The following URB1 variants were observed in gnomAD, a reference collection of about 807,000 sequenced individuals.
URB1 encodes the protein nucleolar pre-ribosomal-associated protein 1.
Under a neutral mutation model 242.3 loss-of-function variants are expected in URB1, and 197 were observed. That is an observed-to-expected ratio of 0.81 (90% CI 0.72 to 0.91). The LOEUF (loss-of-function observed/expected upper bound fraction) is 0.91. URB1 is among the 40% of genes least tolerant of loss of function. The pLI is 0.00. For synonymous variants in URB1, 1,153 were observed against 1,201.8 expected, an observed-to-expected ratio of 0.96 and a Z score of 0.84; for missense variants, 2,721 against 2,860.5, an observed-to-expected ratio of 0.95 and a Z score of 1.11.
rs1273916424 is a variant in URB1 at position 32,384,464 on chromosome 21, T to C, written c.283A>G (p.Thr95Ala). 6 of 1,550,436 alleles carry C rather than the reference T, an allele frequency of 3.9e-6. No individual in the cohort carries two copies. Among genetic ancestry groups the C allele is most frequent in the Non-Finnish European group, 5.2e-6 (6 of 1,145,846 alleles). ...LSGEKRPESE[T>A]MLIFQVFEAI... ...TCGAAAACTTGAAATATTAACATCGTCTGCAAAGACAGAATTGAAACGCTT... is the reference window on the plus strand; with the variant it reads ...TCGAAAACTTGAAATATTAACATCGCCTGCAAAGACAGAATTGAAACGCTT... Residue 95 changes from threonine (T) to alanine (A), a missense_variant and splice_region_variant, in exon 3 of 39, where the codon ACG becomes GCG. Transcript: ENST00000382751.
chr21:32,347,194 C>T lies in URB1; in HGVS notation c.3630G>A (p.Leu1210=), dbSNP rs1180714792. Reference sequence around the variant, plus strand: ...GCAGATCAGCCCCGACTGCGGGGGCCAGCACAGGGTCTCTCTGCAGAGTGT... The same window carrying T: ...GCAGATCAGCCCCGACTGCGGGGGCTAGCACAGGGTCTCTCTGCAGAGTGT... ...LLHTLQRDPV[L]APAVGADLLD... The change falls in exon 22 of 39, where the codon CTG becomes CTA. Residue 1210 remains leucine, a synonymous_variant. Coordinates refer to ENST00000382751, the MANE Select transcript of URB1 (RefSeq NM_014825.3). The T allele has an allele frequency of 3.2e-6, 5 of 1,550,068 alleles. No homozygotes were observed. The South Asian group carries it at 4.8e-5, about 15-fold the overall frequency.
At chr21:32,341,854 T>C (rs997938436) in intron 24 of URB1, among the ~76,000 whole-genome samples, 1 of 152,220 alleles carries the variant, frequency 6.6e-6, no homozygotes, top group African/African-American at 2.4e-5. Context: ...AAGCATGTGA[T>C]AGCTCAAACT....
intron 8 of URB1, among the ~76,000 whole-genome samples, chr21:32,370,851 GA>G (rs2033398968): frequency 6.6e-6 from 1 of 152,132 alleles, no homozygotes; most frequent in Non-Finnish European, 1.5e-5. Flanking sequence ...GCCCTTTGTA[GA>G]AAAGTTTGCC....
rs1273767447 is a variant in URB1, at chr21:32,363,148, G to GATCA, written c.1509+7_1509+8insTGAT. Reference sequence around the variant, plus strand: ...GGAAGGAAAGCCCAAACCCAGATCAGAGCCTACCTTGCTCAGGGCTTCTCT... The same window carrying GATCA: ...GGAAGGAAAGCCCAAACCCAGATCAGATCAAGCCTACCTTGCTCAGGGCTTCTCT... On this transcript the variant is annotated splice_region_variant and intron_variant, in intron 11 of 38. Coordinates refer to ENST00000382751, the MANE Select transcript of URB1 (RefSeq NM_014825.3). The GATCA allele has an allele frequency of 1.4e-5, 21 of 1,550,406 alleles. No individual in the cohort carries two copies. The highest frequency in any genetic ancestry group is 1.8e-5 in the Non-Finnish European group (21 of 1,146,640).
chr21:32,317,157 G>T, intron 37 of URB1, 92 bp from the exon 38 acceptor site: 1 of 1,436,024 alleles, frequency 7.0e-7, no homozygotes, highest in Non-Finnish European at 9.1e-7. Flanking sequence ...GGGACACGAG[G>T]GGCGGCTTGC....
intron 11 of URB1, 90 bp downstream of exon 11, chr21:32,363,066 C>T (rs2033306880): frequency 6.9e-7 from 1 of 1,455,892 alleles, no homozygotes; most frequent in Non-Finnish European, 9.1e-7. Flanking sequence ...TCCAAGGACA[C>T]ATCACTTGGC....
In URB1 at chr21:32,338,720, G is replaced by A; in HGVS notation, c.4497C>T (p.Asp1499=). The part of the protein sequence containing the change: ...LLTSDGEESP[D]SQVKEALVDL... ...GTGAGGGGTCACCTTTTACTTGGCT[G>A]TCCGGGCTCTCCTCTCCGTCAGACG... The change falls in exon 26 of 39, where the codon GAC becomes GAT. Residue 1499 remains aspartate (D), a synonymous_variant. Coordinates refer to ENST00000382751, the MANE Select transcript of URB1 (RefSeq NM_014825.3). 1 of 1,551,376 alleles carries A rather than the reference G, an allele frequency of 6.4e-7. No homozygotes were observed. Among genetic ancestry groups the A allele is most frequent in the Non-Finnish European group, 8.7e-7 (1 of 1,146,936 alleles).
Position 32,368,580 on chromosome 21 carries a change from G to A in URB1, c.1020C>T (p.Leu340=), listed in dbSNP as rs1295955922. Residue 340 remains leucine (L), a synonymous_variant, in exon 9 of 39, where the codon CTC becomes CTT. Transcript: ENST00000382751. Reference sequence around the variant, plus strand: ...TTTTCAAACCCAGCAAGAAGTGCAAGAGTGTCAGGTTTCCGCCTCTGTTAG... The same window carrying A: ...TTTTCAAACCCAGCAAGAAGTGCAAAAGTGTCAGGTTTCCGCCTCTGTTAG... ...GTFGRGGNLT[L]LHFLLGLKTA... 1.3e-6 allele frequency: 2 copies of A among 1,550,850 alleles called. No individual in the cohort carries two copies. The highest frequency in any genetic ancestry group is 1.2e-5 in the South Asian group (1 of 83,896).
At position 32,347,725 on chromosome 21, in the gene URB1, C is replaced by A; in HGVS notation, c.3099G>T (p.Pro1033=). ...TCACGAGGACAGGGCTGAGCGTGTG[C>A]GGCGGGAGGGCCTGCTGCTCCAGGG... ...FLALEQQALP[P]HTLSPVLVKL... Residue 1033 remains proline, a synonymous_variant, in exon 22 of 39, where the codon CCG becomes CCT. Transcript: ENST00000382751. 6.4e-6 allele frequency: 10 copies of A among 1,550,448 alleles called. No homozygotes were observed. Among genetic ancestry groups the A allele is most frequent in the Non-Finnish European group, 7.8e-6 (9 of 1,146,978 alleles).
At chr21:32,341,733 C>A (rs981716383) in intron 24 of URB1, among the ~76,000 whole-genome samples, 2 of 151,280 alleles carry the variant, frequency 1.3e-5, no homozygotes, top group Admixed American at 6.5e-5. Flanking sequence ...CTGCTCTGTT[C>A]TGGACTCTCT....
chr21:32,332,794 G>A (rs2032911907), intron 30 of URB1, among the ~76,000 whole-genome samples: 1 of 152,060 alleles, frequency 6.6e-6, no homozygotes, highest in Admixed American at 6.6e-5. Context: ...CAAGAGACCT[G>A]ACCAGCCTGG....
chr21:32,346,975 G>GTGGCTCCGTGTCCTGCAC lies in URB1; in HGVS notation c.3831_3848dup (p.Gln1277_Ser1282dup). On this transcript the variant is annotated inframe_insertion, in exon 22 of 39. Transcript: ENST00000382751. ...CCTTACCTCCTGCTGGGCGTGTGAA[G>GTGGCTCCGTGTCCTGCAC]TGGCTCCGTGTCCTGCACTGGAGGT... is the stretch of plus-strand genomic sequence containing the variant. 6.6e-7 allele frequency: 1 copy of GTGGCTCCGTGTCCTGCAC among 1,516,650 alleles called. No individual in the cohort carries two copies. Among genetic ancestry groups the GTGGCTCCGTGTCCTGCAC allele is most frequent in the Non-Finnish European group, 8.9e-7 (1 of 1,123,052 alleles). The allele number at this position is 1,516,650 out of a possible 1,614,324, so 93.9% of individuals were successfully genotyped here.
At chr21:32,337,803 A>T (rs2032979475) in intron 26 of URB1, among the ~76,000 whole-genome samples, 1 of 151,746 alleles carries the variant, frequency 6.6e-6, no homozygotes, top group Non-Finnish European at 1.5e-5. Context: ...GATCAGAGGC[A>T]TGAGCCACCG....
intron 20 of URB1, 144 bp downstream of exon 20, chr21:32,350,560 G>A: frequency 2.1e-6 from 2 of 955,198 alleles, no homozygotes; most frequent in Non-Finnish European, 3.1e-6. Context: ...TTGCAGCTGA[G>A]GTCTGGACAG....
At chr21:32,382,930 C>G (rs760186810) in intron 4 of URB1, among the ~76,000 whole-genome samples, 1 of 152,218 alleles carries the variant, frequency 6.6e-6, no homozygotes, top group Non-Finnish European at 1.5e-5. Flanking sequence ...CAATCCAACC[C>G]TTACCCATCA....
chr21:32,356,367 G>A (rs529501384), intron 15 of URB1, among the ~76,000 whole-genome samples: 228 of 152,268 alleles, frequency 1.5e-3, no homozygotes, highest in Non-Finnish European at 2.5e-3. Context: ...ACAGCAGCGT[G>A]GATGACAGAG....
chr21:32,339,478 A>C (rs1004340406), intron 25 of URB1, among the ~76,000 whole-genome samples: 14 of 141,974 alleles, frequency 9.9e-5, no homozygotes, highest in East Asian at 2.1e-4. Flanking sequence ...CAGTGCATTT[A>C]TTTTCTTTTT....
In URB1 at chr21:32,377,390, T is replaced by C. The variant is rs76848801; in HGVS notation, c.664+1055A>G. ...AGCAGAAACATTAAACTGTAGTATGTTCCAGCCCCCTTCAACAGTGTAAAT... is the reference window on the plus strand; with the variant it reads ...AGCAGAAACATTAAACTGTAGTATGCTCCAGCCCCCTTCAACAGTGTAAAT... On this transcript the variant is annotated intron_variant, in intron 5 of 38. Coordinates refer to ENST00000382751, the MANE Select transcript of URB1 (RefSeq NM_014825.3). 6.5e-3 allele frequency: 3,160 copies of C among 488,298 alleles called. 89 individuals carry two copies. Among genetic ancestry groups the C allele is most frequent in the African/African-American group, 0.057 (2,819 of 49,580 alleles). The allele number at this position is 488,298 out of a possible 1,614,324, so 30.2% of individuals were successfully genotyped here. A position where few individuals can be genotyped will look rare whatever the true frequency, so the allele number is the denominator to read the frequency against.
At chr21:32,324,725 A>T (rs1219152261) in intron 31 of URB1, 123 bp from the exon 32 acceptor site, 3 of 675,298 alleles carry the variant, frequency 4.4e-6, no homozygotes, top group Non-Finnish European at 7.7e-6. Flanking sequence ...CCCAGGGGCC[A>T]CTGAAGACGA....
Sources: allele counts gnomAD v4.1 joint callset (sites outside exome capture counted in the v4.1 genomes callset), GRCh38; gene constraint gnomAD v4.1.1; transcripts MANE v1.5; gene names NCBI Gene and HGNC (gene_info 2026-07-23, HGNC 2026-07-21).